Variants in SCUBE1 observed in about 807,000 individuals in gnomAD.
The protein encoded by SCUBE1 is signal peptide, CUB domain and EGF like domain containing 1.
SCUBE1 carries 59 observed loss-of-function variants against 124.4 expected under a neutral mutation model. The ratio of observed to expected loss-of-function variants is 0.47; its 90% confidence interval spans 0.38 to 0.59. The LOEUF is 0.59. SCUBE1 is among the 20% of genes least tolerant of loss of function. The pLI is 0.00. For missense variants in SCUBE1, 1,150 were observed against 1,371.2 expected (o/e 0.84, Z 2.55); for synonymous variants, 545 against 550.9 (o/e 0.99, Z 0.15).
chr22:43,222,518 A>C, intron 12 of SCUBE1, 120 bp downstream of exon 12: 1 of 766,498 alleles, frequency 1.3e-6, no homozygotes. Context: ...GGCCACACGG[A>C]GCAGGGCCGA....
intron 6 of SCUBE1, among the ~76,000 whole-genome samples, chr22:43,245,140 G>T (rs1923156522): frequency 6.6e-6 from 1 of 152,244 alleles, no homozygotes; most frequent in African/African-American, 2.4e-5. Flanking sequence ...TATCTCCCGA[G>T]GGGCCCTCTG....
Position 43,208,108 on chromosome 22 carries a change from C to G in SCUBE1, c.2698G>C (p.Gly900Arg). The G allele has an allele frequency of 1.2e-6, 2 of 1,614,132 alleles. No homozygotes were observed. Among genetic ancestry groups the G allele is most frequent in the Non-Finnish European group, 1.7e-6 (2 of 1,180,022 alleles). Reference sequence around the variant, plus strand: ...ACATAGGGCACTTGGAAGCCTTTGCCGCTGTTGCCTTCATTGGATTTGAAC... The same window carrying G: ...ACATAGGGCACTTGGAAGCCTTTGCGGCTGTTGCCTTCATTGGATTTGAAC... ...IQFKSNEGNS[G>R]KGFQVPYVTY... is the part of the protein sequence containing the mutation. The change falls in exon 20 of 22, where the codon GGC becomes CGC. Residue 900 changes from glycine to arginine, a missense_variant. Gly to Arg is a moderately radical substitution (Grantham distance 125). Around this residue, in one of 3 missense-constraint regions of SCUBE1, gnomAD observed 757 missense variants for 840.9 expected, o/e 0.90. Transcript: ENST00000360835.
At chr22:43,317,216 C>G (rs1267500866) in intron 3 of SCUBE1, 3 of 152,322 alleles carry the variant, frequency 2.0e-5, no homozygotes, top group Non-Finnish European at 4.4e-5. Flanking sequence ...AAATGTCTAA[C>G]CACAGAAAGG....
chr22:43,208,304 C>T (rs1177408565), intron 19 of SCUBE1, 80 bp from the exon 20 acceptor site: 28 of 1,306,228 alleles, frequency 2.1e-5, no homozygotes, highest in Admixed American at 5.3e-5. Context: ...CCATCCAGTC[C>T]ACCACCCAGC....
At chr22:43,212,754 G>A in intron 16 of SCUBE1, 162 bp from the exon 17 acceptor site, 1 of 691,752 alleles carries the variant, frequency 1.4e-6, no homozygotes, top group Non-Finnish European at 2.4e-6. Flanking sequence ...CAGCAGCCGG[G>A]GTGCAGGAAG....
intron 2 of SCUBE1, among the ~76,000 whole-genome samples, chr22:43,333,189 C>T (rs1383304296): frequency 6.6e-6 from 1 of 152,222 alleles, no homozygotes; most frequent in African/African-American, 2.4e-5. Context: ...TCTTCCAACT[C>T]CACACAGCCA....
intron 6 of SCUBE1, among the ~76,000 whole-genome samples, chr22:43,242,511 C>T (rs1302763695): frequency 1.3e-5 from 2 of 152,234 alleles, no homozygotes; most frequent in Non-Finnish European, 2.9e-5. Context: ...CTGGGCCTTC[C>T]TCCTCCTCAC....
chr22:43,266,104 GA>G (rs956240064), intron 4 of SCUBE1, among the ~76,000 whole-genome samples: 135 of 148,796 alleles, frequency 9.1e-4, no homozygotes, highest in Admixed American at 3.3e-3. Context: ...CCATCTCAAA[GA>G]AAAAAAAAAT....
chr22:43,293,961 C>T (rs553689251), intron 3 of SCUBE1, among the ~76,000 whole-genome samples: 7 of 152,344 alleles, frequency 4.6e-5, no homozygotes, highest in South Asian at 4.1e-4. Flanking sequence ...GGGCGGTTGA[C>T]GTAAGGCATC....
intron 2 of SCUBE1, among the ~76,000 whole-genome samples, chr22:43,326,649 T>C (rs1176268965): frequency 6.6e-6 from 1 of 152,150 alleles, no homozygotes; most frequent in Non-Finnish European, 1.5e-5. Flanking sequence ...CACATCTATA[T>C]ACTTTTTCAT....
intron 4 of SCUBE1, among the ~76,000 whole-genome samples, chr22:43,290,526 G>A (rs1026336742): frequency 2.6e-5 from 4 of 152,246 alleles, no homozygotes; most frequent in Non-Finnish European, 5.9e-5. Context: ...GTCTTCCTGG[G>A]GCCCTCTGCA....
chr22:43,335,235 C>A (rs1458245784), intron 2 of SCUBE1, among the ~76,000 whole-genome samples: 2 of 152,200 alleles, frequency 1.3e-5, no homozygotes, highest in African/African-American at 4.8e-5. Flanking sequence ...GTTGTCTCTC[C>A]ATAGTCCTCC....
chr22:43,217,781 C>T (rs1056522815), intron 15 of SCUBE1, among the ~76,000 whole-genome samples: 19 of 152,086 alleles, frequency 1.2e-4, no homozygotes, highest in Admixed American at 5.2e-4. Flanking sequence ...CGCTGGGGGC[C>T]GGCCTCACCT....
At chr22:43,240,082 G>C (rs1922942904) in intron 6 of SCUBE1, among the ~76,000 whole-genome samples, 1 of 152,132 alleles carries the variant, frequency 6.6e-6, no homozygotes, top group African/African-American at 2.4e-5. Context: ...TGTGCAGGGG[G>C]AGAGGGGAAC....
chr22:43,235,455 G>T (rs1922721662), intron 7 of SCUBE1, among the ~76,000 whole-genome samples: 1 of 152,082 alleles, frequency 6.6e-6, no homozygotes, highest in African/African-American at 2.4e-5. Context: ...TGCTAGGCGG[G>T]GCTGGCCAGG....
In SCUBE1 at chr22:43,202,164, G is replaced by C. The variant is rs1304064863; in HGVS notation, c.*1833C>G. On this transcript the variant is annotated 3_prime_UTR_variant, in exon 22 of 22. Coordinates refer to ENST00000360835, the MANE Select transcript of SCUBE1 (RefSeq NM_173050.5). The stretch of plus-strand genomic sequence containing the variant: ...ACATGTGACGGCGTGAGTAATTGCT[G>C]AGCTCCGGGCCCTCTTTTGGACTGT... 2 of 152,270 alleles carry C rather than the reference G, an allele frequency of 1.3e-5. No homozygotes were observed. The highest frequency in any genetic ancestry group is 2.9e-5 in the Non-Finnish European group (2 of 68,066). 9.4% of individuals were successfully genotyped at this position (152,270 alleles called of 1,614,324 possible).
At chr22:43,263,354 T>A (rs1601839005) in intron 4 of SCUBE1, among the ~76,000 whole-genome samples, 1 of 152,174 alleles carries the variant, frequency 6.6e-6, no homozygotes, top group African/African-American at 2.4e-5. Flanking sequence ...TTTCTAGAAT[T>A]TATGAGGTCA....
At chr22:43,225,770 G>A (rs1350305839) in intron 10 of SCUBE1, among the ~76,000 whole-genome samples, 1 of 151,860 alleles carries the variant, frequency 6.6e-6, no homozygotes, top group Non-Finnish European at 1.5e-5. Context: ...TTGCCCTTTG[G>A]AGGCAGGTTT....
intron 4 of SCUBE1, among the ~76,000 whole-genome samples, chr22:43,265,354 A>T (rs935100488): frequency 1.3e-5 from 2 of 152,208 alleles, no homozygotes; most frequent in Non-Finnish European, 2.9e-5. Flanking sequence ...CACAGTCAAT[A>T]AGACACTAAG....
Sources: allele counts gnomAD v4.1 joint callset (sites outside exome capture counted in the v4.1 genomes callset), GRCh38; gene constraint gnomAD v4.1.1; regional missense constraint gnomAD v4.1.1; transcripts MANE v1.5; gene names NCBI Gene and HGNC (gene_info 2026-07-23, HGNC 2026-07-21).